The following PDCD4 variants were observed in gnomAD, a reference collection of about 807,000 sequenced individuals.
The protein encoded by PDCD4 is programmed cell death 4, also known as programmed cell death protein 4.
A neutral mutation model predicts 54.0 loss-of-function variants in PDCD4; 56 were observed. The ratio of observed to expected loss-of-function variants is 1.04; its 90% CI spans 0.84 to 1.30. PDCD4 has a LOEUF of 1.30. Among genes scored for constraint, PDCD4 ranks in the 50% most tolerant of loss-of-function variants. The pLI is 0.00. For synonymous variants in PDCD4, 186 were observed against 194.8 expected (o/e 0.95, Z 0.37); for missense variants, 584 against 559.8 (o/e 1.04, Z -0.44).
At position 110,898,005 on chromosome 10, in the gene PDCD4, GTCTT is replaced by G. The variant is rs757078601; in HGVS notation, c.1350-21_1350-18del. 3 of 1,543,950 alleles carry G rather than the reference GTCTT, an allele frequency of 1.9e-6. No individual in the cohort carries two copies. The highest frequency in any genetic ancestry group is 8.8e-7 in the Non-Finnish European group (1 of 1,137,064). On this transcript the variant is annotated intron_variant, in intron 11 of 11. Coordinates refer to ENST00000280154, the MANE Select transcript of PDCD4 (RefSeq NM_014456.5). ...AGTCAGAATTTGTATCTGTTTTCAT[GTCTT>G]TTTTTTTCTTCATTACAGGGGCAGA...
At position 110,885,252 on chromosome 10, in the gene PDCD4, G is replaced by T; in HGVS notation, c.442-1G>T. On this transcript the variant is annotated splice_acceptor_variant, in intron 4 of 11. Transcript: ENST00000280154. LOFTEE classifies it high-confidence loss of function. ...ACTCTTACTCCCTTTTCCCCTCAAA[G>T]GAGAACTGTGTTTATGAAACTGTAG... The T allele has an allele frequency of 6.9e-7, 1 of 1,448,462 alleles. No individual in the cohort carries two copies. Among genetic ancestry groups the T allele is most frequent in the Non-Finnish European group, 9.6e-7 (1 of 1,038,540 alleles). The allele number at this position is 1,448,462 out of a possible 1,614,324, so 89.7% of individuals were successfully genotyped here.
At chr10:110,885,406 A>G (rs145579153) in intron 5 of PDCD4, 40 bp downstream of exon 5, 350 of 875,118 alleles carry the variant, frequency 4.0e-4, no homozygotes, top group Admixed American at 6.1e-4. Context: ...TTAATATAGG[A>G]GAGAAGACAT....
chr10:110,873,951 G>A (rs1212592908), intron 1 of PDCD4, among the ~76,000 whole-genome samples: 1 of 152,132 alleles, frequency 6.6e-6, no homozygotes, highest in Non-Finnish European at 1.5e-5. Context: ...TTAGTGTTTG[G>A]AAAACAGCAT....
rs766483470 is a variant in PDCD4, at chr10:110,894,489, GTCT to G, written c.1180_1182del (p.Ser394del). ...TGGATTTATTAAAGTCCCTTTGGAA[GTCT>G]TCTACCATTACTGTAGACCAAATGA... On this transcript the variant is annotated inframe_deletion, in exon 10 of 12. Coordinates refer to ENST00000280154, the MANE Select transcript of PDCD4 (RefSeq NM_014456.5). The G allele has an allele frequency of 1.3e-6, 2 of 1,549,082 alleles. No individual in the cohort carries two copies. The highest frequency in any genetic ancestry group is 1.1e-5 in the South Asian group (1 of 89,706).
intron 8 of PDCD4, among the ~76,000 whole-genome samples, chr10:110,891,774 G>A (rs1180842300): frequency 6.6e-6 from 1 of 152,096 alleles, no homozygotes; most frequent in Non-Finnish European, 1.5e-5. Flanking sequence ...GTCAGTGTTT[G>A]TAATGTCGTG....
chr10:110,886,833 T>C (rs972836663), intron 5 of PDCD4, among the ~76,000 whole-genome samples: 1 of 152,172 alleles, frequency 6.6e-6, no homozygotes, highest in African/African-American at 2.4e-5. Context: ...ATTTTAAATT[T>C]ACCCCAGAAT....
At chr10:110,894,040 ATATT>A in intron 8 of PDCD4, 47 bp from the exon 9 acceptor site, 1 of 1,108,798 alleles carries the variant, frequency 9.0e-7, no homozygotes, top group Non-Finnish European at 1.4e-6. Context: ...GGCAAGCACG[ATATT>A]TTAAAAGTTA....
chr10:110,890,850 T>C (rs1845744361), intron 8 of PDCD4, 180 bp downstream of exon 8: 1 of 392,042 alleles, frequency 2.6e-6, no homozygotes. Context: ...AATTATATGA[T>C]TAAAAAATGA....
intron 4 of PDCD4, among the ~76,000 whole-genome samples, chr10:110,884,329 G>A (rs1173299790): frequency 6.6e-6 from 1 of 152,154 alleles, no homozygotes; most frequent in Non-Finnish European, 1.5e-5. Context: ...CTCGGACGGG[G>A]CTTGGAACAT....
intron 8 of PDCD4, 140 bp downstream of exon 8, chr10:110,890,810 T>A (rs1845743742): frequency 2.2e-6 from 1 of 457,688 alleles, no homozygotes; most frequent in South Asian, 6.2e-5. Context: ...ATAATTTTTT[T>A]AATATGTGGC....
intron 4 of PDCD4, among the ~76,000 whole-genome samples, chr10:110,883,536 T>A (rs545001597): frequency 9.5e-4 from 145 of 152,150 alleles, no homozygotes; most frequent in African/African-American, 3.4e-3. Flanking sequence ...GTGAATTTTT[T>A]ATTTTTTTTA....
chr10:110,878,859 T>A (rs1390298416), intron 2 of PDCD4, among the ~76,000 whole-genome samples: 1 of 152,152 alleles, frequency 6.6e-6, no homozygotes, highest in East Asian at 1.9e-4. Flanking sequence ...ATCTAATAGG[T>A]ACCAGGTAGT....
chr10:110,881,162 T>C (rs1234588688), intron 2 of PDCD4, 71 bp from the exon 3 acceptor site: 1 of 1,147,206 alleles, frequency 8.7e-7, no homozygotes, highest in Non-Finnish European at 1.3e-6. Flanking sequence ...CTAATCTAAC[T>C]TACCACTATA....
intron 4 of PDCD4, among the ~76,000 whole-genome samples, chr10:110,883,916 A>G (rs1845630313): frequency 6.6e-6 from 1 of 152,216 alleles, no homozygotes; most frequent in African/African-American, 2.4e-5. Flanking sequence ...GTAGGATTCA[A>G]GTACTGTAGA....
chr10:110,885,611 AATT>A (rs1845658933), intron 5 of PDCD4, among the ~76,000 whole-genome samples: 1 of 151,846 alleles, frequency 6.6e-6, no homozygotes. Flanking sequence ...TAATTTTTAT[AATT>A]ATAATTTGTA....
chr10:110,885,213 T>TTTTG (rs1590732073), intron 4 of PDCD4, 40 bp from the exon 5 acceptor site: 1 of 896,978 alleles, frequency 1.1e-6, no homozygotes, highest in East Asian at 2.5e-5. Context: ...TTTATTTGCA[T>TTTTG]TTTGTTTTTT....
chr10:110,877,633 A>G (rs1317592648), intron 2 of PDCD4, among the ~76,000 whole-genome samples: 3 of 152,182 alleles, frequency 2.0e-5, no homozygotes, highest in African/African-American at 7.2e-5. Flanking sequence ...TTTCCTAACT[A>G]CAATAAGACC....
intron 2 of PDCD4, among the ~76,000 whole-genome samples, chr10:110,878,013 T>G (rs1002268214): frequency 5.3e-5 from 8 of 152,212 alleles, no homozygotes; most frequent in African/African-American, 1.9e-4. Flanking sequence ...GATTTTCTGG[T>G]GCTGTGGTCA....
intron 7 of PDCD4, 139 bp from the exon 8 acceptor site, chr10:110,890,415 GAA>G (rs944977312): frequency 2.2e-6 from 1 of 453,520 alleles, no homozygotes; most frequent in South Asian, 6.3e-5. Context: ...TTTTTGTTTT[GAA>G]AAAGTGTTTT....
Sources: allele counts gnomAD v4.1 joint callset (sites outside exome capture counted in the v4.1 genomes callset), GRCh38; gene constraint gnomAD v4.1.1; transcripts MANE v1.5; gene names NCBI Gene and HGNC (gene_info 2026-07-23, HGNC 2026-07-21).